Variants in SYNPO2 observed in about 807,000 individuals in gnomAD.
The protein encoded by SYNPO2 is synaptopodin-2.
In SYNPO2, 56 loss-of-function variants were observed where a neutral mutation model predicts 85.0. The observed-to-expected ratio is 0.66, with a 90% CI of 0.53 to 0.82. The LOEUF (loss-of-function observed/expected upper bound fraction) is 0.82. SYNPO2 is among the 40% of genes least tolerant of loss of function. SYNPO2 has a pLI of 0.00. For synonymous variants in SYNPO2, 602 were observed against 591.1 expected, an observed-to-expected ratio of 1.02 and a Z score of -0.27; for missense variants, 1,575 against 1,534.2, an observed-to-expected ratio of 1.03 and a Z score of -0.44.
intron 1 of SYNPO2, among the ~76,000 whole-genome samples, chr4:118,900,703 C>CTCTCTCTCTCTCTCTATATATATA (rs1277981772): frequency 1.4e-4 from 6 of 43,892 alleles, no homozygotes; most frequent in Admixed American, 2.9e-4. Context: ...CTCTCTCTCT[C>CTCTCTCTCTCTCTCTATATATATA]TATATATATA....
intron 1 of SYNPO2, among the ~76,000 whole-genome samples, chr4:118,908,126 T>A (rs2149122514): frequency 6.6e-6 from 1 of 152,322 alleles, no homozygotes; most frequent in East Asian, 1.9e-4. Flanking sequence ...CGCACTTTTC[T>A]GATCATCCCT....
At position 118,868,028 on chromosome 4, in the gene SYNPO2, A is replaced by G. The variant is rs192501277; in HGVS notation, c.12+17088A>G. Among the ~76,000 whole-genome samples the G allele has an allele frequency of 2.5e-3, 362 of 143,764 alleles. 2 individuals are homozygous for G. The highest frequency in any genetic ancestry group is 8.9e-3 in the African/African-American group (345 of 38,668). 94.3% of individuals were successfully genotyped at this position (143,764 alleles called of 152,430 possible). A position where few individuals can be genotyped will look rare whatever the true frequency, so the allele number is the denominator to read the frequency against. ...AAAAAAAGTTGCAGTGACCTAATCT[A>G]CTCCTCCCCTCCTTTCATTTAAAAA... is the stretch of plus-strand genomic sequence containing the variant. On this transcript the variant is annotated intron_variant, in intron 1 of 4. Coordinates refer to the SYNPO2 transcript ENST00000610556.
chr4:118,984,636 C>T (rs1209801330), intron 1 of SYNPO2, among the ~76,000 whole-genome samples: 3 of 152,198 alleles, frequency 2.0e-5, no homozygotes, highest in Non-Finnish European at 4.4e-5. Context: ...GTCCTACCTT[C>T]CTTCCAGCTT....
At chr4:118,996,623 C>CG (rs1340539551) in intron 1 of SYNPO2, among the ~76,000 whole-genome samples, 1 of 151,686 alleles carries the variant, frequency 6.6e-6, no homozygotes, top group African/African-American at 2.4e-5. Flanking sequence ...TTTGGGAGGC[C>CG]AGTGGGGGTG....
At chr4:119,007,354 G>A (rs1737120623) in intron 1 of SYNPO2, among the ~76,000 whole-genome samples, 1 of 138,536 alleles carries the variant, frequency 7.2e-6, no homozygotes, top group African/African-American at 2.7e-5. Context: ...TTTAAAAACT[G>A]GAAGGCATGG....
At chr4:118,903,620 TGTTATTCA>T (rs1459176819) in intron 1 of SYNPO2, among the ~76,000 whole-genome samples, 2 of 152,196 alleles carry the variant, frequency 1.3e-5, no homozygotes, top group African/African-American at 4.8e-5. Context: ...AAGATTACTT[TGTTATTCA>T]GTTTAATCAG....
chr4:118,904,694 T>C (rs1732875645), intron 1 of SYNPO2, among the ~76,000 whole-genome samples: 1 of 152,136 alleles, frequency 6.6e-6, no homozygotes, highest in South Asian at 2.1e-4. Flanking sequence ...TAAGGCTGCT[T>C]TTTCTAAGTA....
intron 2 of SYNPO2, among the ~76,000 whole-genome samples, 163 bp downstream of exon 2, chr4:119,023,744 A>G (rs1323452010): frequency 2.0e-5 from 3 of 152,216 alleles, no homozygotes; most frequent in African/African-American, 7.2e-5. Context: ...AAAAATAGTC[A>G]ATTCTAGTCA....
At chr4:118,981,441 T>C (rs535387195) in intron 1 of SYNPO2, among the ~76,000 whole-genome samples, 19 of 152,310 alleles carry the variant, frequency 1.2e-4, no homozygotes, top group African/African-American at 4.6e-4. Context: ...CACGTCAATG[T>C]CAATACCCTC....
At chr4:119,044,025 G>C (rs1351329311) in intron 4 of SYNPO2, 1 of 145,870 alleles carries the variant, frequency 6.9e-6, no homozygotes, top group African/African-American at 2.5e-5. Flanking sequence ...TTAAGTATTT[G>C]ATCTCTAATT....
intron 1 of SYNPO2, among the ~76,000 whole-genome samples, chr4:118,892,512 A>G (rs1732409376): frequency 6.6e-6 from 1 of 151,916 alleles, no homozygotes; most frequent in Middle Eastern, 3.4e-3. Context: ...TCTTTATGAA[A>G]CTCTCTCTTT....
chr4:119,048,731 G>A (rs1367743274), intron 4 of SYNPO2, among the ~76,000 whole-genome samples: 1 of 152,214 alleles, frequency 6.6e-6, no homozygotes, highest in Non-Finnish European at 1.5e-5. Flanking sequence ...TGTACCTGGT[G>A]TGTTCAAGGT....
At chr4:119,015,230 C>T (rs1285079683) in intron 1 of SYNPO2, among the ~76,000 whole-genome samples, 1 of 152,168 alleles carries the variant, frequency 6.6e-6, no homozygotes, top group African/African-American at 2.4e-5. Flanking sequence ...GAGTTAGTGA[C>T]AGAATTAAGG....
At chr4:119,032,978 A>G (rs1245273306) in intron 4 of SYNPO2, 1 of 950,452 alleles carries the variant, frequency 1.1e-6, no homozygotes, top group Non-Finnish European at 1.2e-6. Flanking sequence ...GTACATCTCC[A>G]GTTGCCCATG....
intron 1 of SYNPO2, among the ~76,000 whole-genome samples, chr4:118,894,837 TAA>T (rs375833064): frequency 4.9e-5 from 7 of 142,880 alleles, no homozygotes; most frequent in Admixed American, 7.0e-5. Context: ...ATTCACATTT[TAA>T]AAAAAAAAAA....
intron 1 of SYNPO2, among the ~76,000 whole-genome samples, chr4:118,989,180 G>T (rs1309690742): frequency 6.6e-6 from 1 of 152,212 alleles, no homozygotes; most frequent in African/African-American, 2.4e-5. Context: ...GCACTCAGCT[G>T]CTTTAGCCTG....
chr4:118,972,087 G>A (rs992586704), intron 1 of SYNPO2, among the ~76,000 whole-genome samples: 2 of 152,126 alleles, frequency 1.3e-5, no homozygotes, highest in African/African-American at 2.4e-5. Context: ...AACTTCTGAC[G>A]AGAACTTCCT....
At chr4:118,976,356 T>A (rs1214031711) in intron 1 of SYNPO2, among the ~76,000 whole-genome samples, 1 of 152,094 alleles carries the variant, frequency 6.6e-6, no homozygotes, top group Non-Finnish European at 1.5e-5. Flanking sequence ...GCTGCAGATC[T>A]TCGCGGTGAG....
At chr4:118,858,335 T>C (rs1182493472) in intron 1 of SYNPO2, among the ~76,000 whole-genome samples, 1 of 152,196 alleles carries the variant, frequency 6.6e-6, no homozygotes, top group Non-Finnish European at 1.5e-5. Flanking sequence ...ATAATCAGAC[T>C]AAGAGAATTA....
Sources: allele counts gnomAD v4.1 joint callset (sites outside exome capture counted in the v4.1 genomes callset), GRCh38; gene constraint gnomAD v4.1.1; transcripts MANE v1.5; gene names NCBI Gene and HGNC (gene_info 2026-07-23, HGNC 2026-07-21).